Variants in DMKN observed in about 807,000 individuals in gnomAD.
The protein encoded by DMKN is epidermis-specific secreted protein SK30/SK89.
Under a neutral mutation model 67.6 loss-of-function variants are expected in DMKN, and 58 were observed. The observed-to-expected ratio is 0.86, with a 90% CI of 0.69 to 1.07. The LOEUF is 1.07. Ranked by LOEUF, DMKN falls within the 50% of genes least tolerant of loss-of-function variation. DMKN has a pLI of 0.00. For synonymous variants in DMKN, 240 were observed against 232.3 expected, an observed-to-expected ratio of 1.03 and a Z score of -0.30; for missense variants, 596 against 601.5, an observed-to-expected ratio of 0.99 and a Z score of 0.10.
chr19:35,505,685 T>C (rs1283559763), intron 9 of DMKN, 33 bp downstream of exon 9: 1 of 1,613,938 alleles, frequency 6.2e-7, no homozygotes, highest in East Asian at 2.2e-5. Flanking sequence ...TTCTTCCCTA[T>C]AGCCCTCTCC....
chr19:35,506,272 C>A (rs2069498557), intron 7 of DMKN: 2 of 1,353,944 alleles, frequency 1.5e-6, no homozygotes, highest in Non-Finnish European at 9.8e-7. Flanking sequence ...ATTGCTTCAT[C>A]CCCACCTCGG....
At chr19:35,499,069 G>T in intron 13 of DMKN, 172 bp from the exon 14 acceptor site, 2 of 886,960 alleles carry the variant, frequency 2.3e-6, no homozygotes, top group Non-Finnish European at 3.5e-6. Flanking sequence ...TTCACAGCAC[G>T]TTTATCATCC....
intron 7 of DMKN, chr19:35,507,308 A>G (rs2069752192): frequency 3.1e-6 from 2 of 638,054 alleles, no homozygotes; most frequent in Non-Finnish European, 5.3e-6. Flanking sequence ...TGGGGATCCC[A>G]GAACCCTGTT....
chr19:35,510,289 A>G (rs1181396296), intron 5 of DMKN, 37 bp from the exon 6 acceptor site: 1 of 1,571,364 alleles, frequency 6.4e-7, no homozygotes, highest in African/African-American at 1.4e-5. Flanking sequence ...GCTGTCCTAA[A>G]GGACCTAAAG....
intron 4 of DMKN, 66 bp downstream of exon 4, chr19:35,511,697 T>G: frequency 1.9e-6 from 3 of 1,595,472 alleles, no homozygotes; most frequent in Non-Finnish European, 2.6e-6. Flanking sequence ...ATGCCCAGTC[T>G]AAGGGGAGCA....
rs770598283 is a variant in DMKN, at chr19:35,506,208, G to A, written c.1039-222C>T. ...CCCCTGGGTGGGGAAAAGGGGGACC[G>A]ATGTCCAAGGCTTATGCTTCCTATC... On this transcript the variant is annotated intron_variant, in intron 7 of 15. Coordinates refer to ENST00000339686, the MANE Select transcript of DMKN (RefSeq NM_033317.5). The A allele has an allele frequency of 1.4e-5, 21 of 1,489,352 alleles. 1 individual carries two copies. The South Asian group carries it at 1.7e-4, about 12-fold the overall frequency. 92.3% of individuals were successfully genotyped at this position (1,489,352 alleles called of 1,614,324 possible). A position where few individuals can be genotyped will look rare whatever the true frequency, so the allele number is the denominator to read the frequency against.
intron 13 of DMKN, 58 bp downstream of exon 13, chr19:35,499,900 T>C: frequency 6.3e-7 from 1 of 1,590,494 alleles, no homozygotes; most frequent in African/African-American, 1.3e-5. Flanking sequence ...TGAAAGCCTC[T>C]CTCCCCATCC....
chr19:35,511,661 C>G (rs1471695482), intron 4 of DMKN, 68 bp from the exon 5 acceptor site: 1 of 1,592,888 alleles, frequency 6.3e-7, no homozygotes, highest in African/African-American at 1.3e-5. Flanking sequence ...CTCCTCCCTC[C>G]CTCTCCACCC....
In DMKN at chr19:35,499,020, T is replaced by C. The variant is rs900394351; in HGVS notation, c.1360-123A>G. ...TCACACCAGGGCTATCACCAAGGTT[T>C]TCCAGTCTGACTGTGGACATTCAGG... is the stretch of plus-strand genomic sequence containing the variant. On this transcript the variant is annotated intron_variant, in intron 13 of 15. Coordinates refer to ENST00000339686, the MANE Select transcript of DMKN (RefSeq NM_033317.5). The C allele has an allele frequency of 1.3e-5, 18 of 1,412,710 alleles. No homozygotes were observed. The African/African-American group carries it at 2.6e-4, about 20-fold the overall frequency. The allele number at this position is 1,412,710 out of a possible 1,614,324, so 87.5% of individuals were successfully genotyped here.
intron 15 of DMKN, 160 bp downstream of exon 15, chr19:35,498,556 C>T: frequency 1.0e-6 from 1 of 968,396 alleles, no homozygotes; most frequent in African/African-American, 1.6e-5. Context: ...CCATGAGGTC[C>T]CCTCTTCCTT....
At chr19:35,504,422 C>T (rs1303932929) in intron 9 of DMKN, among the ~76,000 whole-genome samples, 1 of 151,968 alleles carries the variant, frequency 6.6e-6, no homozygotes, top group Non-Finnish European at 1.5e-5. Context: ...ACTAAAAATA[C>T]AAACATTACC....
chr19:35,507,558 C>T (rs2069820167), intron 7 of DMKN: 3 of 1,524,250 alleles, frequency 2.0e-6, no homozygotes, highest in Non-Finnish European at 2.7e-6. Flanking sequence ...GGCAGGCGGG[C>T]AGGGGGACGA....
Position 35,500,538 on chromosome 19 carries a change from C to T in DMKN, c.1282G>A (p.Asp428Asn), listed in dbSNP as rs547354931. ...SSLQKRAGRD[D>N]QNYNYNQHAY... The stretch of plus-strand genomic sequence containing the variant: ...ACTTGAGGACAGAGACTCACCTGAT[C>T]GTCTCTGCCTGCACGTTTCTGCAGT... Residue 428 changes from aspartate (D) to asparagine (N), a missense_variant, in exon 12 of 16, where the codon GAT (aspartate) becomes AAT (asparagine). Asp to Asn is a conservative substitution (Grantham distance 23, BLOSUM62 1). Transcript: ENST00000339686. The T allele has an allele frequency of 1.7e-5, 28 of 1,611,772 alleles. No homozygotes were observed. In the African/African-American group the frequency reaches 1.9e-4, roughly 11 times the overall value.
intron 7 of DMKN, chr19:35,507,586 G>A: frequency 1.5e-6 from 2 of 1,293,516 alleles, no homozygotes; most frequent in Non-Finnish European, 1.1e-6. Context: ...AGGAAGCAGG[G>A]TGTCGGCGAG....
chr19:35,507,063 C>T, intron 7 of DMKN: 1 of 184,092 alleles, frequency 5.4e-6, no homozygotes, highest in Non-Finnish European at 1.1e-5. Flanking sequence ...ACACCTCAGC[C>T]TCCCAAAGTG....
intron 11 of DMKN, among the ~76,000 whole-genome samples, chr19:35,501,311 C>T (rs1244885364): frequency 6.6e-6 from 1 of 152,226 alleles, no homozygotes; most frequent in Non-Finnish European, 1.5e-5. Context: ...CAAGCCCTAA[C>T]CCTGAGGTCA....
In DMKN at chr19:35,500,158, A is replaced by G. The variant is rs573492818; in HGVS notation, c.1288-129T>C. On this transcript the variant is annotated intron_variant, in intron 12 of 15. Coordinates refer to ENST00000339686, the MANE Select transcript of DMKN (RefSeq NM_033317.5). ...ACCTGCCTGCTCCCCTCCTTGTGTC[A>G]CGTGTTTTCTTTTATACAATCTCCT... The G allele has an allele frequency of 3.4e-4, 412 of 1,227,310 alleles. 4 individuals are homozygous for G. The African/African-American group carries it at 5.4e-3, about 16-fold the overall frequency. The allele number at this position is 1,227,310 out of a possible 1,614,324, so 76.0% of individuals were successfully genotyped here.
At position 35,498,743 on chromosome 19, in the gene DMKN, G is replaced by A; in HGVS notation, c.1404C>T (p.Gly468=). Residue 468 remains glycine (G), a synonymous_variant, in exon 15 of 16, where the codon GGC becomes GGT. Transcript: ENST00000339686. ...ACCAAAACTTCACCCACTGCAGCAG[G>A]CCAGGTTGCACCCGGGAAGCCTGCC... ...PSSSASRVQP[G]LLQWVKFW is the part of the protein sequence containing the mutation. 2 of 1,614,150 alleles carry A rather than the reference G, an allele frequency of 1.2e-6. No individual in the cohort carries two copies. The highest frequency in any genetic ancestry group is 1.7e-6 in the Non-Finnish European group (2 of 1,180,028).
At chr19:35,502,648 T>C (rs2068615163) in intron 10 of DMKN, among the ~76,000 whole-genome samples, 182 bp downstream of exon 10, 1 of 151,292 alleles carries the variant, frequency 6.6e-6, no homozygotes, top group South Asian at 2.1e-4. Context: ...GAGTTTGCAG[T>C]GAGCCGAGAT....
Sources: gnomAD v4.1 joint callset for allele counts (sites outside exome capture counted in the v4.1 genomes callset) on GRCh38, gnomAD v4.1.1 for gene constraint, MANE v1.5 for transcripts, NCBI Gene and HGNC (gene_info 2026-07-23, HGNC 2026-07-21) for gene names.